Variants in DENND5B observed in about 807,000 individuals in gnomAD.
DENND5B encodes DENN domain-containing protein 5B.
Under a neutral mutation model 140.6 loss-of-function variants are expected in DENND5B, and 34 were observed. That is an observed-to-expected ratio of 0.24 (90% CI 0.18 to 0.32). DENND5B has a LOEUF of 0.32. Ranked by LOEUF, DENND5B falls within the 10% of genes least tolerant of loss-of-function variation. The pLI, the probability that DENND5B is intolerant of heterozygous loss-of-function variation, is 1.00. For synonymous variants in DENND5B, 551 were observed against 562.1 expected (o/e 0.98, Z 0.28); for missense variants, 1,142 against 1,560.2 (o/e 0.73, Z 4.52).
At chr12:31,589,480 C>A (rs1388196149) in intron 1 of DENND5B, among the ~76,000 whole-genome samples, 3 of 151,614 alleles carry the variant, frequency 2.0e-5, no homozygotes, top group African/African-American at 7.3e-5. Flanking sequence ...AAATGTTTTG[C>A]TCTGAAGCTG....
rs375516324 is a variant in DENND5B at position 31,479,304 on chromosome 12, T to C, written c.904+285A>G. Among the ~76,000 whole-genome samples, 7 of 152,332 alleles carry C rather than the reference T, an allele frequency of 4.6e-5. No homozygotes were observed. The East Asian group carries it at 9.6e-4, about 21-fold the overall frequency. ...AAATGTTTTCTTAATGACGATTATA[T>C]ATTATCAGGAAAAAAGGGCTATTTC... is the stretch of plus-strand genomic sequence containing the variant. On this transcript the variant is annotated intron_variant, in intron 3 of 20. Transcript: ENST00000389082.
At chr12:31,527,480 T>A (rs1193297631) in intron 1 of DENND5B, among the ~76,000 whole-genome samples, 1 of 152,176 alleles carries the variant, frequency 6.6e-6, no homozygotes, top group Non-Finnish European at 1.5e-5. Context: ...AATGCTGCGC[T>A]TTGAAAGAAT....
At chr12:31,448,120 A>G (rs890386986) in intron 5 of DENND5B, among the ~76,000 whole-genome samples, 76 of 151,568 alleles carry the variant, frequency 5.0e-4, no homozygotes, top group African/African-American at 1.4e-3. Flanking sequence ...CCTTTCCCCA[A>G]TGAGTTGTAA....
At chr12:31,481,906 A>G (rs548336988) in intron 2 of DENND5B, among the ~76,000 whole-genome samples, 2 of 152,102 alleles carry the variant, frequency 1.3e-5, no homozygotes, top group Non-Finnish European at 2.9e-5. Context: ...CTTGGAAGGG[A>G]GTGAGAGGCT....
In DENND5B at chr12:31,582,934, TTC is replaced by T; in HGVS notation, c.127+7770_127+7771del. Among the ~76,000 whole-genome samples, 4 of 152,342 alleles carry T rather than the reference TTC, an allele frequency of 2.6e-5. 1 individual carries two copies. The highest frequency in any genetic ancestry group is 2.6e-4 in the Admixed American group (4 of 15,292). On this transcript the variant is annotated intron_variant, in intron 1 of 20. Coordinates refer to ENST00000389082, the MANE Select transcript of DENND5B (RefSeq NM_144973.4). ...TGTCAGACAGATCTTCAATCCAGGCTTCTTACTTATTATAGGAACTGAAGTAA... is the reference window on the plus strand; with the variant it reads ...TGTCAGACAGATCTTCAATCCAGGCTTTACTTATTATAGGAACTGAAGTAA...
chr12:31,549,614 T>C (rs1034509397), intron 1 of DENND5B, among the ~76,000 whole-genome samples: 9 of 152,054 alleles, frequency 5.9e-5, no homozygotes, highest in Admixed American at 3.3e-4. Flanking sequence ...ATGTGTGCCA[T>C]GGTGGTTTGC....
Position 31,392,333 on chromosome 12 carries a change from C to G in DENND5B, c.3400G>C (p.Val1134Leu). ...ENGLVAALEQ[V>L]FHHGFKSARI... ...GCAGATTTGAACCCATGGTGGAAAACTTGCTCAAGGGCTGCAACCAGGCCA... is the reference window on the plus strand; with the variant it reads ...GCAGATTTGAACCCATGGTGGAAAAGTTGCTCAAGGGCTGCAACCAGGCCA... The change falls in exon 19 of 21, where the codon GTT (valine) becomes CTT (leucine). Residue 1134 changes from valine to leucine, a missense_variant. Coordinates refer to ENST00000389082, the MANE Select transcript of DENND5B (RefSeq NM_144973.4). 1 of 1,613,754 alleles carries G rather than the reference C, an allele frequency of 6.2e-7. No homozygotes were observed. Among genetic ancestry groups the G allele is most frequent in the Non-Finnish European group, 8.5e-7 (1 of 1,179,858 alleles).
chr12:31,521,003 C>T (rs1054321210), intron 1 of DENND5B, among the ~76,000 whole-genome samples: 2 of 152,042 alleles, frequency 1.3e-5, no homozygotes, highest in Non-Finnish European at 2.9e-5. Flanking sequence ...ACATCTACAG[C>T]TCATTTCATT....
chr12:31,590,403 G>A (rs959598516), intron 1 of DENND5B: 7 of 199,116 alleles, frequency 3.5e-5, no homozygotes, highest in African/African-American at 7.0e-5. Context: ...CTCCGAGTGC[G>A]GCTGCAAGCG....
intron 1 of DENND5B, among the ~76,000 whole-genome samples, chr12:31,529,219 G>A (rs76451029): frequency 2.0e-5 from 3 of 150,352 alleles, no homozygotes; most frequent in Admixed American, 6.6e-5. Context: ...AGATAACCAA[G>A]GGAGAAGATG....
chr12:31,434,468 C>G (rs1943651112), intron 7 of DENND5B, among the ~76,000 whole-genome samples: 1 of 152,074 alleles, frequency 6.6e-6, no homozygotes, highest in Non-Finnish European at 1.5e-5. Context: ...GCTCAAATAC[C>G]TTTGTTTTTG....
At chr12:31,455,969 A>G (rs1171801572) in intron 4 of DENND5B, among the ~76,000 whole-genome samples, 1 of 152,164 alleles carries the variant, frequency 6.6e-6, no homozygotes, top group East Asian at 1.9e-4. Flanking sequence ...CAGTGTGCCA[A>G]GATCATGCCA....
chr12:31,402,581 T>C lies in DENND5B; in HGVS notation c.2866A>G (p.Asn956Asp). The C allele has an allele frequency of 6.2e-7, 1 of 1,613,962 alleles. No individual in the cohort carries two copies. Among genetic ancestry groups the C allele is most frequent in the East Asian group, 2.2e-5 (1 of 44,872 alleles). ...TCTCCTGATACACAGATCCAAGGGT[T>C]TGATGTGATTATTGCATTGCTCAGC... Reference protein sequence around the residue: ...KKLSNAIITSNPWICVSGELG... With the variant: ...KKLSNAIITSDPWICVSGELG... Residue 956 changes from asparagine to aspartate, a missense_variant, in exon 15 of 21, where the codon AAC (asparagine) becomes GAC (aspartate). Transcript: ENST00000389082.
chr12:31,460,170 C>T (rs918887243), intron 4 of DENND5B, 24 bp downstream of exon 4: 13 of 1,590,636 alleles, frequency 8.2e-6, no homozygotes, highest in Non-Finnish European at 1.1e-5. Flanking sequence ...ACAGCAAATG[C>T]TTCATCATTC....
At chr12:31,465,765 A>G (rs1945237058) in intron 3 of DENND5B, 1 of 152,244 alleles carries the variant, frequency 6.6e-6, no homozygotes, top group Admixed American at 6.5e-5. Context: ...CATCTCAGGT[A>G]TTGCCAACAA....
chr12:31,407,465 C>T (rs529953773), intron 14 of DENND5B, among the ~76,000 whole-genome samples: 1 of 152,308 alleles, frequency 6.6e-6, no homozygotes, highest in African/African-American at 2.4e-5. Flanking sequence ...TAGTTTCTTA[C>T]ACCTGCAGTA....
intron 1 of DENND5B, among the ~76,000 whole-genome samples, chr12:31,548,685 T>A (rs774938030): frequency 6.6e-6 from 1 of 152,356 alleles, no homozygotes; most frequent in Admixed American, 6.5e-5. Flanking sequence ...GCAGAATCTG[T>A]AAATTAATCA....
intron 4 of DENND5B, among the ~76,000 whole-genome samples, chr12:31,454,441 ATTCTT>A (rs987093007): frequency 3.1e-4 from 47 of 152,118 alleles, no homozygotes; most frequent in African/African-American, 1.0e-3. Context: ...TGCCTACACC[ATTCTT>A]TTCTTTTCTT....
rs1945999315 is a variant in DENND5B at position 31,480,048 on chromosome 12, C to T, written c.445G>A (p.Ala149Thr). The change falls in exon 3 of 21, where the codon GCT becomes ACT. Residue 149 changes from alanine (A) to threonine (T), a missense_variant. Ala to Thr is a moderately conservative substitution (Grantham distance 58). This residue lies in a region of DENND5B where 708 missense variants were observed against 905.5 expected (regional missense o/e 0.78). Transcript: ENST00000389082. The part of the protein sequence containing the change: ...HNAEHYSSVY[A>T]SSSCSMDSLA... ...GAGTCCATACTGCAGGAAGATGAAG[C>T]ATACACACTGCTGTAATGCTCAGCG... 1 of 1,613,926 alleles carries T rather than the reference C, an allele frequency of 6.2e-7. No individual in the cohort carries two copies. The highest frequency in any genetic ancestry group is 8.5e-7 in the Non-Finnish European group (1 of 1,179,814).
Sources: gnomAD v4.1 joint callset for allele counts (sites outside exome capture counted in the v4.1 genomes callset) on GRCh38, gnomAD v4.1.1 for gene constraint, gnomAD v4.1.1 regional missense constraint, MANE v1.5 for transcripts, NCBI Gene and HGNC (gene_info 2026-07-23, HGNC 2026-07-21) for gene names.